The following ARHGAP39 variants were observed in gnomAD, a reference collection of about 807,000 sequenced individuals.
ARHGAP39 encodes the protein rho GTPase-activating protein 39.
A neutral mutation model predicts 106.9 loss-of-function variants in ARHGAP39; 44 were observed. That is an observed-to-expected ratio of 0.41 (90% CI 0.32 to 0.53). ARHGAP39 has a LOEUF of 0.53. ARHGAP39 is among the 20% of genes least tolerant of loss of function. ARHGAP39 has a pLI of 0.21. For synonymous variants in ARHGAP39, 768 were observed against 693.2 expected, an observed-to-expected ratio of 1.11 and a Z score of -1.69; for missense variants, 1,496 against 1,577.3, an observed-to-expected ratio of 0.95 and a Z score of 0.87.
At chr8:144,608,031 C>T (rs1820356976) in intron 1 of ARHGAP39, among the ~76,000 whole-genome samples, 2 of 151,804 alleles carry the variant, frequency 1.3e-5, no homozygotes, top group Non-Finnish European at 2.9e-5. Context: ...GCAGCATGTG[C>T]CCGAAATCCC....
intron 2 of ARHGAP39, among the ~76,000 whole-genome samples, chr8:144,589,196 C>T (rs537838904): frequency 2.6e-5 from 4 of 152,236 alleles, no homozygotes; most frequent in Admixed American, 6.5e-5. Context: ...GCCATTTCCA[C>T]GTAAATCTAA....
At chr8:144,594,811 G>A (rs978536464) in intron 2 of ARHGAP39, among the ~76,000 whole-genome samples, 1 of 152,144 alleles carries the variant, frequency 6.6e-6, no homozygotes, top group Non-Finnish European at 1.5e-5. Context: ...CTTGGATCCG[G>A]GAAGCAGAGG....
chr8:144,686,512 C>T (rs1412693629), upstream of ARHGAP39, among the ~76,000 whole-genome samples: 1 of 152,176 alleles, frequency 6.6e-6, no homozygotes, highest in African/African-American at 2.4e-5. Flanking sequence ...AAGACAGGGG[C>T]GCACACCCTT....
At chr8:144,612,712 G>A (rs1216420915) in intron 1 of ARHGAP39, among the ~76,000 whole-genome samples, 4 of 134,404 alleles carry the variant, frequency 3.0e-5, no homozygotes, top group Non-Finnish European at 4.8e-5. Flanking sequence ...AGCCACGGCT[G>A]CGCCGCTGCA....
upstream of ARHGAP39, among the ~76,000 whole-genome samples, chr8:144,686,066 G>C (rs574244698): frequency 6.6e-6 from 1 of 151,888 alleles, no homozygotes; most frequent in Non-Finnish European, 1.5e-5. Context: ...CCTCCCGCGC[G>C]GACCTACCCT....
In ARHGAP39 at chr8:144,585,744, G is replaced by C. The variant is rs1226287985; in HGVS notation, c.81-4467C>G. Among the ~76,000 whole-genome samples the C allele has an allele frequency of 6.6e-6, 1 of 152,204 alleles. No homozygotes were observed. The highest frequency in any genetic ancestry group is 1.5e-5 in the Non-Finnish European group (1 of 68,034). ...ATGTCGCTGGTTGTGGCAGTCGGCT[G>C]TACACACCATGCTCTTAAATCTCAA... is the stretch of plus-strand genomic sequence containing the variant. On this transcript the variant is annotated intron_variant, in intron 2 of 11. Transcript: ENST00000377307. The surrounding 1 kb of genome is among the most constrained non-coding windows in gnomAD (Gnocchi z 4.6).
Position 144,529,653 on chromosome 8 carries a change from A to C in ARHGAP39, c.*769T>G, listed in dbSNP as rs889568284. 6.6e-6 allele frequency: 1 copy of C among 152,192 alleles called. No homozygotes were observed. The highest frequency in any genetic ancestry group is 1.5e-5 in the Non-Finnish European group (1 of 68,024). The allele number at this position is 152,192 out of a possible 1,614,324, so 9.4% of individuals were successfully genotyped here. The stretch of plus-strand genomic sequence containing the variant: ...AGAGATAAATAGCATTTAGGTTAAA[A>C]CTATGTCATTAGCAAATTTAGTTCT... On this transcript the variant is annotated 3_prime_UTR_variant, in exon 12 of 12. Transcript: ENST00000377307.
upstream of ARHGAP39, among the ~76,000 whole-genome samples, chr8:144,687,807 C>T (rs1586660550): frequency 1.5e-5 from 2 of 134,206 alleles, no homozygotes; most frequent in African/African-American, 2.9e-5. Flanking sequence ...CGTGACCACA[C>T]ACTGGCGGTG....
intron 1 of ARHGAP39, among the ~76,000 whole-genome samples, chr8:144,624,012 T>C (rs1189391146): frequency 1.3e-5 from 2 of 152,206 alleles, no homozygotes; most frequent in Admixed American, 6.5e-5. Context: ...AGCTAAGACC[T>C]GGAGAGCTGA....
upstream of ARHGAP39, among the ~76,000 whole-genome samples, chr8:144,689,792 C>G (rs1277012890): frequency 2.1e-5 from 3 of 142,612 alleles, no homozygotes; most frequent in East Asian, 6.2e-4. Context: ...GTCACCCAGG[C>G]TAGAGTGCAA....
intron 1 of ARHGAP39, among the ~76,000 whole-genome samples, chr8:144,638,405 C>T (rs746791503): frequency 4.6e-5 from 7 of 152,236 alleles, no homozygotes; most frequent in Non-Finnish European, 8.8e-5. Context: ...TCATCAGTTA[C>T]AAAATATCCT....
chr8:144,697,199 C>T, the ARHGAP39 span, among the ~76,000 whole-genome samples: 29 of 151,714 alleles, frequency 1.9e-4, no homozygotes, highest in South Asian at 6.3e-4. Flanking sequence ...TGATGGCATG[C>T]GCCTGTAGTT....
In ARHGAP39 at chr8:144,545,652, C is replaced by T. The variant is rs546852437; in HGVS notation, c.2118G>A (p.Thr706=). 43 of 1,613,662 alleles carry T rather than the reference C, an allele frequency of 2.7e-5. No individual in the cohort carries two copies. Among genetic ancestry groups the T allele is most frequent in the Admixed American group, 1.3e-4 (8 of 60,026 alleles). Residue 706 remains threonine, a synonymous_variant, in exon 6 of 12, where the codon ACG becomes ACA. Transcript: ENST00000377307. ...ACACCTTCCGCCGGAAGAGGCCCTG[C>T]GTGTGCTTGTTGAAGTGCTTGGAGG... The part of the protein sequence containing the change: ...NWASKHFNKH[T]QGLFRRKVSI...
chr8:144,563,124 A>G (rs1342820154), intron 3 of ARHGAP39, among the ~76,000 whole-genome samples: 1 of 152,258 alleles, frequency 6.6e-6, no homozygotes, highest in African/African-American at 2.4e-5. Flanking sequence ...CTAAGAATAT[A>G]TGTGGATCAG....
rs947375934 is a variant in ARHGAP39 at position 144,545,156 on chromosome 8, C to T, written c.2521+93G>A. On this transcript the variant is annotated intron_variant, in intron 6 of 11. Transcript: ENST00000377307. ...CGAACCATGGCCCTGTGTGGAGGGC[C>T]GCCAGGGACTTCACCAGCTGCCGCC... 1.0e-4 allele frequency: 123 copies of T among 1,235,048 alleles called. 2 individuals carry two copies. The Admixed American group carries it at 2.2e-3, about 22-fold the overall frequency. The allele number at this position is 1,235,048 out of a possible 1,614,324, so 76.5% of individuals were successfully genotyped here. A position where few individuals can be genotyped will look rare whatever the true frequency, so the allele number is the denominator to read the frequency against.
chr8:144,614,545 GT>G (rs1280504569), intron 1 of ARHGAP39, among the ~76,000 whole-genome samples: 1 of 152,120 alleles, frequency 6.6e-6, no homozygotes, highest in Non-Finnish European at 1.5e-5. Context: ...TAGAGATGGG[GT>G]TTAACCATGT....
At chr8:144,654,398 G>A (rs147230874) in intron 1 of ARHGAP39, among the ~76,000 whole-genome samples, 12 of 151,856 alleles carry the variant, frequency 7.9e-5, no homozygotes, top group East Asian at 1.9e-4. Flanking sequence ...CCAGTTACTC[G>A]GGAGCTGAGG....
intron 7 of ARHGAP39, among the ~76,000 whole-genome samples, chr8:144,536,430 AG>A (rs890650567): frequency 6.6e-5 from 10 of 152,284 alleles, no homozygotes; most frequent in Middle Eastern, 3.4e-3. Flanking sequence ...CTCCAGGCAC[AG>A]GGGAGTCTGC....
chr8:144,656,807 CA>C (rs35058065), intron 1 of ARHGAP39, among the ~76,000 whole-genome samples: 174 of 42,312 alleles, frequency 4.1e-3, no homozygotes, highest in South Asian at 8.1e-3. Flanking sequence ...GACTCCATCT[CA>C]AAAAAAAAAA....
Sources: allele counts gnomAD v4.1 joint callset (sites outside exome capture counted in the v4.1 genomes callset), GRCh38; gene constraint gnomAD v4.1.1; non-coding constraint Gnocchi (gnomAD v3.1); transcripts MANE v1.5; gene names NCBI Gene and HGNC (gene_info 2026-07-23, HGNC 2026-07-21).